The following PNO1 variants were observed in gnomAD, a reference collection of about 807,000 sequenced individuals.
PNO1 encodes the protein partner of NOB1 homolog, also known as RNA-binding protein PNO1.
Under a neutral mutation model 28.4 loss-of-function variants are expected in PNO1, and 16 were observed. The ratio of observed to expected loss-of-function variants is 0.56; its 90% CI spans 0.38 to 0.85. The LOEUF (loss-of-function observed/expected upper bound fraction) is 0.85. Among genes scored for constraint, PNO1 ranks in the 40% least tolerant of loss-of-function variants. The pLI, the probability that PNO1 is intolerant of heterozygous loss-of-function variation, is 0.00. For missense variants in PNO1, 304 were observed against 312.2 expected, an observed-to-expected ratio of 0.97 and a Z score of 0.20; for synonymous variants, 115 against 110.8, an observed-to-expected ratio of 1.04 and a Z score of -0.24.
intron 5 of PNO1, among the ~76,000 whole-genome samples, chr2:68,167,450 C>T (rs1386254742): frequency 6.6e-6 from 1 of 152,216 alleles, no homozygotes; most frequent in African/African-American, 2.4e-5. Context: ...ATCCAGAAGA[C>T]AGGCCACTGG....
At chr2:68,163,249 G>T (rs1041364171) in intron 5 of PNO1, among the ~76,000 whole-genome samples, 1 of 151,984 alleles carries the variant, frequency 6.6e-6, no homozygotes, top group Non-Finnish European at 1.5e-5. Flanking sequence ...ATAATATCTC[G>T]GGTTGGGCAC....
At position 68,173,576 on chromosome 2, in the gene PNO1, A is replaced by ATT. The variant is rs34874863; in HGVS notation, c.691+180_691+181dup. ...AGGTGGGCCTAGAGAAGGAAGTAGA[A>ATT]TTTTTTTTTTTTTTTTTTTTTTCTG... On this transcript the variant is annotated intron_variant, in intron 6 of 6. Transcript: ENST00000263657. Among the ~76,000 whole-genome samples the ATT allele has an allele frequency of 3.5e-3, 394 of 111,368 alleles. 18 individuals are homozygous for ATT. Among genetic ancestry groups the ATT allele is most frequent in the South Asian group, 0.025 (80 of 3,220 alleles). 73.1% of individuals were successfully genotyped at this position (111,368 alleles called of 152,430 possible).
intron 5 of PNO1, among the ~76,000 whole-genome samples, chr2:68,163,581 A>ATACT (rs902133574): frequency 2.0e-5 from 3 of 150,838 alleles, no homozygotes; most frequent in Non-Finnish European, 4.4e-5. Context: ...ACATACATAC[A>ATACT]TACTTACTCA....
chr2:68,164,877 T>C (rs906686331), intron 5 of PNO1, among the ~76,000 whole-genome samples: 6 of 152,210 alleles, frequency 3.9e-5, no homozygotes, highest in African/African-American at 1.4e-4. Flanking sequence ...CAGATAAACC[T>C]GTTGTAAATT....
Position 68,174,909 on chromosome 2 carries a change from C to CG in PNO1, c.*108dup, listed in dbSNP as rs1674234721. 1 of 617,678 alleles carries CG rather than the reference C, an allele frequency of 1.6e-6. No homozygotes were observed. Among genetic ancestry groups the CG allele is most frequent in the Non-Finnish European group, 2.9e-6 (1 of 346,468 alleles). 38.3% of individuals were successfully genotyped at this position (617,678 alleles called of 1,614,324 possible). A position where few individuals can be genotyped will look rare whatever the true frequency, so the allele number is the denominator to read the frequency against. On this transcript the variant is annotated 3_prime_UTR_variant, in exon 7 of 7. Transcript: ENST00000263657. ...AACAATTTCAGTCATTTGAAGCCTC[C>CG]GTCCCTTCTTCCATTCTCAGCCAGA...
At chr2:68,160,590 T>C (rs1673805635) in intron 2 of PNO1, among the ~76,000 whole-genome samples, 1 of 152,266 alleles carries the variant, frequency 6.6e-6, no homozygotes, top group Admixed American at 6.5e-5. Context: ...TGCTGCCATA[T>C]ACCAGACACA....
intron 4 of PNO1, 60 bp downstream of exon 4, chr2:68,162,385 A>C (rs536712953): frequency 7.6e-7 from 1 of 1,315,170 alleles, no homozygotes; most frequent in South Asian, 1.2e-5. Flanking sequence ...TGTGACTCTC[A>C]GTTTTCTAAT....
rs146091555 is a variant in PNO1 at position 68,169,184 on chromosome 2, C to G, written c.621-4163C>G. Among the ~76,000 whole-genome samples, 250 of 152,212 alleles carry G rather than the reference C, an allele frequency of 1.6e-3. 6 individuals are homozygous for G. In the East Asian group the frequency reaches 0.045, roughly 28 times the overall value. ...GACCTCGCAGTCCACCCGCCTCGGG[C>G]TCCCAAAGTGCTGGGATTACAGGTG... On this transcript the variant is annotated intron_variant, in intron 5 of 6. Coordinates refer to ENST00000263657, the MANE Select transcript of PNO1 (RefSeq NM_020143.4).
intron 1 of PNO1, 25 bp from the exon 2 acceptor site, chr2:68,158,355 G>A (rs886632330): frequency 2.8e-5 from 45 of 1,599,702 alleles, no homozygotes; most frequent in Non-Finnish European, 3.8e-5. Context: ...ATAGCCTTCT[G>A]AGTTGTGTGT....
chr2:68,173,984 C>G (rs1456716535), intron 6 of PNO1, among the ~76,000 whole-genome samples: 1 of 152,152 alleles, frequency 6.6e-6, no homozygotes, highest in Non-Finnish European at 1.5e-5. Context: ...TGATAAGGTG[C>G]AGAGAAAAAC....
chr2:68,163,540 AATACATACATACATACATACATACATAC>A (rs543846420), intron 5 of PNO1, among the ~76,000 whole-genome samples: 2 of 136,166 alleles, frequency 1.5e-5, no homozygotes, highest in Admixed American at 7.4e-5. Context: ...CAAATAAATA[AATACATACATACATACATACATACATAC>A]ATACATACAT....
chr2:68,172,709 TG>T (rs1404548888), intron 5 of PNO1, among the ~76,000 whole-genome samples: 3 of 152,228 alleles, frequency 2.0e-5, no homozygotes, highest in African/African-American at 4.8e-5. Context: ...TGTGTCGTCT[TG>T]GGCAGGCTTT....
At chr2:68,158,556 A>G in intron 2 of PNO1, 27 bp downstream of exon 2, 1 of 1,595,690 alleles carries the variant, frequency 6.3e-7, no homozygotes, top group Non-Finnish European at 8.6e-7. Context: ...TCATTTCCCA[A>G]TACACCAGGC....
intron 6 of PNO1, among the ~76,000 whole-genome samples, chr2:68,173,908 C>T (rs1410222946): frequency 1.3e-5 from 2 of 152,102 alleles, no homozygotes; most frequent in Non-Finnish European, 2.9e-5. Flanking sequence ...TGCTTAGATT[C>T]CATTTGTCTG....
At chr2:68,158,957 G>A (rs568121831) in intron 2 of PNO1, among the ~76,000 whole-genome samples, 2 of 152,280 alleles carry the variant, frequency 1.3e-5, no homozygotes, top group Admixed American at 6.5e-5. Context: ...ATTATAGAGT[G>A]TACTTACACA....
chr2:68,172,144 G>A (rs1396203737), intron 5 of PNO1, among the ~76,000 whole-genome samples: 7 of 152,188 alleles, frequency 4.6e-5, no homozygotes, highest in Admixed American at 2.0e-4. Context: ...TGACATGATC[G>A]AGCATGGTGA....
chr2:68,161,393 G>A, intron 2 of PNO1: 1 of 461,258 alleles, frequency 2.2e-6, no homozygotes, highest in Non-Finnish European at 4.3e-6. Context: ...GAGAGATTGG[G>A]TTGTGCCAGA....
chr2:68,158,286 C>A (rs1419164526), intron 1 of PNO1, 94 bp from the exon 2 acceptor site: 15 of 1,376,012 alleles, frequency 1.1e-5, no homozygotes, highest in African/African-American at 2.9e-5. Context: ...GTAACTAGTT[C>A]AGTTAAAGGA....
rs972677024 is a variant in PNO1 at position 68,174,976 on chromosome 2, A to C, written c.*174A>C. 1.9e-6 allele frequency: 1 copy of C among 512,846 alleles called. No individual in the cohort carries two copies. The highest frequency in any genetic ancestry group is 3.5e-6 in the Non-Finnish European group (1 of 286,174). The allele number at this position is 512,846 out of a possible 1,614,324, so 31.8% of individuals were successfully genotyped here. A position where few individuals can be genotyped will look rare whatever the true frequency, so the allele number is the denominator to read the frequency against. ...AAAGATTTAAGAGGATTCACACTCA[A>C]CAGGTTTTAGGATAATTTAAATATC... On this transcript the variant is annotated 3_prime_UTR_variant, in exon 7 of 7. Transcript: ENST00000263657.
Sources: allele counts gnomAD v4.1 joint callset (sites outside exome capture counted in the v4.1 genomes callset), GRCh38; gene constraint gnomAD v4.1.1; transcripts MANE v1.5; gene names NCBI Gene and HGNC (gene_info 2026-07-23, HGNC 2026-07-21).